Variants in RBFOX2 observed in about 807,000 individuals in gnomAD.
RBFOX2 encodes RNA binding protein fox-1 homolog 2.
Under a neutral mutation model 49.1 loss-of-function variants are expected in RBFOX2, and 10 were observed. The ratio of observed to expected loss-of-function variants is 0.20; its 90% CI spans 0.13 to 0.35. The LOEUF (loss-of-function observed/expected upper bound fraction) is 0.35, where lower values mean the gene tolerates loss of function less well. Ranked by LOEUF, RBFOX2 falls within the 10% of genes least tolerant of loss-of-function variation. The probability of loss-of-function intolerance (pLI) is 1.00; values close to 1 mark genes in which losing one functional copy is unlikely to be tolerated. For missense variants in RBFOX2, 323 were observed against 486.9 expected (o/e 0.66, Z 3.17); for synonymous variants, 183 against 187.4 (o/e 0.98, Z 0.19).
intron 1 of RBFOX2, among the ~76,000 whole-genome samples, chr22:35,889,770 C>T (rs1423222447): frequency 6.6e-6 from 1 of 152,108 alleles, no homozygotes; most frequent in South Asian, 2.1e-4. Context: ...ATTCAATTTA[C>T]TATTAAGTCT....
chr22:35,939,023 T>C, upstream of RBFOX2: 1 of 889,608 alleles, frequency 1.1e-6, no homozygotes. Context: ...ATTAACTGTA[T>C]TCCACCCTAC....
chr22:36,004,257 T>G (rs1438149408), intron 1 of RBFOX2, among the ~76,000 whole-genome samples: 2 of 152,184 alleles, frequency 1.3e-5, no homozygotes, highest in Non-Finnish European at 2.9e-5. Context: ...AGACTCCAAG[T>G]TCTTCAACCT....
chr22:35,784,266 G>C (rs765910557), intron 2 of RBFOX2, among the ~76,000 whole-genome samples: 24 of 152,220 alleles, frequency 1.6e-4, no homozygotes, highest in Non-Finnish European at 2.6e-4. Context: ...CCAAGGGAAA[G>C]GGGATGGAGA....
Position 36,026,805 on chromosome 22 carries a change from G to T in RBFOX2, c.186+1435C>A, listed in dbSNP as rs558937495. Among the ~76,000 whole-genome samples the T allele has an allele frequency of 4.6e-5, 7 of 152,282 alleles. No individual in the cohort carries two copies. The East Asian group carries it at 1.3e-3, about 29-fold the overall frequency. ...GAGGGTCACTTTACCTAAATCAACA[G>T]AAGTAACAGGGTAAACTCTGCAAAG... On this transcript the variant is annotated intron_variant, in intron 1 of 13. Coordinates refer to the RBFOX2 transcript ENST00000438146.
chr22:35,982,446 C>G (rs2057504007), intron 1 of RBFOX2, among the ~76,000 whole-genome samples: 1 of 152,052 alleles, frequency 6.6e-6, no homozygotes, highest in African/African-American at 2.4e-5. Flanking sequence ...ACCAGTCTCC[C>G]TACTACACTG....
At chr22:35,895,188 T>G (rs2047693740) in intron 1 of RBFOX2, among the ~76,000 whole-genome samples, 1 of 152,154 alleles carries the variant, frequency 6.6e-6, no homozygotes, top group African/African-American at 2.4e-5. Flanking sequence ...AATCTCTCTC[T>G]GCAATTCTAC....
At chr22:35,785,921 C>A (rs999574970) in intron 2 of RBFOX2, among the ~76,000 whole-genome samples, 3 of 152,216 alleles carry the variant, frequency 2.0e-5, no homozygotes, top group Non-Finnish European at 4.4e-5. Flanking sequence ...GCATCAATTA[C>A]AACTAATGCT....
chr22:35,883,846 C>T (rs901433675), intron 1 of RBFOX2, among the ~76,000 whole-genome samples: 4 of 152,022 alleles, frequency 2.6e-5, no homozygotes, highest in South Asian at 2.1e-4. Context: ...TCGTGACAAT[C>T]GCCTCAAAGT....
At chr22:35,745,888 T>C (rs758867806) in intron 11 of RBFOX2, 35 bp downstream of exon 13, 11 of 1,567,046 alleles carry the variant, frequency 7.0e-6, no homozygotes, top group Middle Eastern at 1.7e-4. Flanking sequence ...AGGAATGAAA[T>C]GGTTTTATAA....
At chr22:36,013,646 C>CAG (rs200585039) in intron 1 of RBFOX2, among the ~76,000 whole-genome samples, 4,255 of 147,096 alleles carry the variant, frequency 0.029, 82 homozygotes, top group Non-Finnish European at 0.041. Flanking sequence ...CACACACACA[C>CAG]ACAGAGAGAG....
At chr22:35,769,905 G>A (rs1942173588) in intron 4 of RBFOX2, among the ~76,000 whole-genome samples, 1 of 152,112 alleles carries the variant, frequency 6.6e-6, no homozygotes, top group Admixed American at 6.5e-5. Context: ...CCACAATTTG[G>A]ACATCACAAA....
intron 2 of RBFOX2, among the ~76,000 whole-genome samples, chr22:35,783,881 C>T (rs1052088558): frequency 1.3e-5 from 2 of 152,198 alleles, no homozygotes; most frequent in Admixed American, 1.3e-4. Flanking sequence ...TATCAACTCA[C>T]ACCAATTCCA....
chr22:35,851,310 A>T (rs1286585161), intron 1 of RBFOX2, among the ~76,000 whole-genome samples: 1 of 152,238 alleles, frequency 6.6e-6, no homozygotes. Flanking sequence ...GAAGAACAAG[A>T]ATAAATCTAT....
At chr22:35,780,507 G>C (rs1336065020) in intron 3 of RBFOX2, among the ~76,000 whole-genome samples, 2 of 152,056 alleles carry the variant, frequency 1.3e-5, no homozygotes, top group Non-Finnish European at 2.9e-5. Context: ...TCAAATCTTT[G>C]CAATTTAACT....
chr22:35,977,757 T>TAC (rs1391033722), intron 1 of RBFOX2, among the ~76,000 whole-genome samples: 5 of 115,544 alleles, frequency 4.3e-5, no homozygotes, highest in Admixed American at 8.8e-5. Context: ...TATATATATA[T>TAC]ATATACATGC....
At chr22:35,904,279 T>C (rs1261071610) in intron 1 of RBFOX2, among the ~76,000 whole-genome samples, 1 of 152,190 alleles carries the variant, frequency 6.6e-6, no homozygotes, top group Non-Finnish European at 1.5e-5. Flanking sequence ...TTTATGTTCT[T>C]CCTAGCAGTT....
intron 4 of RBFOX2, among the ~76,000 whole-genome samples, chr22:35,773,095 A>G (rs1943099337): frequency 6.6e-6 from 1 of 151,664 alleles, no homozygotes; most frequent in Non-Finnish European, 1.5e-5. Flanking sequence ...TGCACTGTTA[A>G]TTCTGTTTTA....
At chr22:35,950,652 GACTT>G (rs1235654409) in intron 1 of RBFOX2, among the ~76,000 whole-genome samples, 5 of 152,152 alleles carry the variant, frequency 3.3e-5, no homozygotes, top group South Asian at 2.1e-4. Flanking sequence ...AGTCCATAGG[GACTT>G]ACTTCTCTGC....
At chr22:35,840,047 A>C in intron 1 of RBFOX2, 7 of 1,140,166 alleles carry the variant, frequency 6.1e-6, no homozygotes, top group Non-Finnish European at 9.0e-6. Flanking sequence ...CAACAGACAC[A>C]GACTTTTCAG....
Sources: gnomAD v4.1 joint callset for allele counts (sites outside exome capture counted in the v4.1 genomes callset) on GRCh38, gnomAD v4.1.1 for gene constraint, MANE v1.5 for transcripts, NCBI Gene and HGNC (gene_info 2026-07-23, HGNC 2026-07-21) for gene names.